Variants in GLIS3 observed in about 807,000 individuals in gnomAD.
The protein encoded by GLIS3 is GLIS family zinc finger 3.
In GLIS3, 53 loss-of-function variants were observed where a neutral mutation model predicts 78.6. That is an observed-to-expected ratio of 0.67 (90% CI 0.54 to 0.85). The LOEUF (loss-of-function observed/expected upper bound fraction) is 0.85, where lower values mean the gene tolerates loss of function less well. Among genes scored for constraint, GLIS3 ranks in the 40% least tolerant of loss-of-function variants. The pLI, the probability that GLIS3 is intolerant of heterozygous loss-of-function variation, is 0.00. For missense variants in GLIS3, 1,703 were observed against 1,231.1 expected (o/e 1.38, Z -5.74); for synonymous variants, 684 against 509.9 (o/e 1.34, Z -4.60).
In GLIS3 at chr9:4,332,474, C is replaced by T. The variant is rs952851163; in HGVS notation, n.264+14607G>A. Among the ~76,000 whole-genome samples, 6 of 152,200 alleles carry T rather than the reference C, an allele frequency of 3.9e-5. No individual in the cohort carries two copies. The South Asian group carries it at 6.2e-4, about 16-fold the overall frequency. ...AAGTTCCAGTACACAGAATCTTTTT[C>T]ACAAAACCACTTACTTTTGTCTTCC... On this transcript the variant is annotated intron_variant and non_coding_transcript_variant, in intron 2 of 4. Transcript: ENST00000471664.
At chr9:4,485,011 TG>T in the GLIS3 span, among the ~76,000 whole-genome samples, 2 of 41,562 alleles carry the variant, frequency 4.8e-5, no homozygotes, top group African/African-American at 8.4e-5. Flanking sequence ...TTCCTTTTTT[TG>T]GGGGGGTGGG....
chr9:3,856,181 A>C lies in GLIS3; in HGVS notation c.2301T>G (p.Phe767Leu), dbSNP rs779220877. ...LTAVDAGAER[F>L]APSAPSPHHI... ...GGTGAGGAGATGGAGCAGAAGGTGC[A>C]AACCTGAGAAAACAATTATAAAAGG... The change falls in exon 9 of 11, where the codon TTT (phenylalanine) becomes TTG (leucine). Residue 767 changes from phenylalanine (F) to leucine (L), a missense_variant. Phe to Leu is a conservative substitution (Grantham distance 22, BLOSUM62 0). Transcript: ENST00000381971. 1.9e-6 allele frequency: 3 copies of C among 1,613,450 alleles called. No individual in the cohort carries two copies. The East Asian group carries it at 6.7e-5, about 36-fold the overall frequency.
intron 4 of GLIS3, among the ~76,000 whole-genome samples, chr9:3,971,142 G>A (rs1164305596): frequency 4.0e-5 from 6 of 150,906 alleles, no homozygotes; most frequent in African/African-American, 1.5e-4. Context: ...AAGGAAGGGA[G>A]CCTTATGCTT....
the GLIS3 span, among the ~76,000 whole-genome samples, chr9:4,433,331 C>A: frequency 6.6e-6 from 1 of 152,058 alleles, no homozygotes; most frequent in Non-Finnish European, 1.5e-5. Flanking sequence ...ACTTGGGAGT[C>A]TGAGGTGGGA....
chr9:4,298,292 T>G, intron 1 of GLIS3: 1 of 449,644 alleles, frequency 2.2e-6, no homozygotes, highest in Middle Eastern at 3.4e-4. Context: ...TGTGGTTTCC[T>G]TTCGCTTCTC....
At chr9:4,452,495 G>T in the GLIS3 span, among the ~76,000 whole-genome samples, 3 of 152,288 alleles carry the variant, frequency 2.0e-5, no homozygotes, top group East Asian at 5.8e-4. Context: ...CAAACTCAAT[G>T]TGCAGAAATC....
At chr9:4,126,383 C>A (rs886740468) in intron 2 of GLIS3, among the ~76,000 whole-genome samples, 1 of 152,160 alleles carries the variant, frequency 6.6e-6, no homozygotes, top group Non-Finnish European at 1.5e-5. Flanking sequence ...ATCTGTACTT[C>A]CAAAAAGTCC....
chr9:4,371,377 A>AGTCGTCCTAAGCCCCAGGCTC, the GLIS3 span, among the ~76,000 whole-genome samples: 1 of 152,204 alleles, frequency 6.6e-6, no homozygotes, highest in Non-Finnish European at 1.5e-5. Context: ...ATATGACCTC[A>AGTCGTCCTAAGCCCCAGGCTC]GTCGTCCTAA....
chr9:4,041,763 C>G (rs1485268915), intron 4 of GLIS3, among the ~76,000 whole-genome samples: 1 of 152,158 alleles, frequency 6.6e-6, no homozygotes, highest in African/African-American at 2.4e-5. Flanking sequence ...AGGTAGAACA[C>G]CCAACCCCAC....
rs1213383255 is a variant in GLIS3 at position 4,183,178 on chromosome 9, C to G, written c.389-57237G>C. On this transcript the variant is annotated intron_variant, in intron 2 of 10. Coordinates refer to ENST00000381971, the MANE Select transcript of GLIS3 (RefSeq NM_001042413.2). ...ACAGTACATGACTTCCATGTTACTT[C>G]TGAGAAACAGGCTGAAGCCAGGTGG... Among the ~76,000 whole-genome samples the G allele has an allele frequency of 3.3e-5, 5 of 152,154 alleles. No individual in the cohort carries two copies. The East Asian group carries it at 9.6e-4, about 29-fold the overall frequency.
intron 4 of GLIS3, among the ~76,000 whole-genome samples, chr9:4,048,840 A>G (rs1825471981): frequency 6.6e-6 from 1 of 152,202 alleles, no homozygotes; most frequent in African/African-American, 2.4e-5. Flanking sequence ...AGTTACTTCC[A>G]ACATTTGAGC....
the GLIS3 span, among the ~76,000 whole-genome samples, chr9:4,455,086 A>T: frequency 3.0e-4 from 45 of 152,332 alleles, no homozygotes; most frequent in African/African-American, 1.0e-3. Context: ...TTTAGCTCCA[A>T]GATAGTAATC....
At chr9:4,294,862 G>C (rs1017616107) in intron 1 of GLIS3, among the ~76,000 whole-genome samples, 10 of 151,930 alleles carry the variant, frequency 6.6e-5, no homozygotes, top group African/African-American at 2.4e-4. Context: ...TGTTCATTCT[G>C]TACTGCTCAT....
In GLIS3 at chr9:3,991,901, A is replaced by G. The variant is rs575001206; in HGVS notation, c.1711-54712T>C. ...GAGACGGGGTTTCACCGTATTGGCC[A>G]GGACAGTCTTGATCTCCTGACTTCG... On this transcript the variant is annotated intron_variant, in intron 4 of 10. Coordinates refer to ENST00000381971, the MANE Select transcript of GLIS3 (RefSeq NM_001042413.2). Among the ~76,000 whole-genome samples, 27 of 152,112 alleles carry G rather than the reference A, an allele frequency of 1.8e-4. No homozygotes were observed. In the East Asian group the frequency reaches 2.5e-3, roughly 14 times the overall value.
chr9:3,991,659 T>C (rs1357345957), intron 4 of GLIS3, among the ~76,000 whole-genome samples: 1 of 151,526 alleles, frequency 6.6e-6, no homozygotes, highest in Non-Finnish European at 1.5e-5. Flanking sequence ...TATTATATAG[T>C]TCAGAATTTC....
chr9:4,004,514 T>C (rs1454767986), intron 4 of GLIS3, among the ~76,000 whole-genome samples: 1 of 152,214 alleles, frequency 6.6e-6, no homozygotes, highest in Non-Finnish European at 1.5e-5. Flanking sequence ...GATACTGTTG[T>C]GTGAAATCAC....
intron 4 of GLIS3, among the ~76,000 whole-genome samples, chr9:3,942,690 C>G (rs1486870436): frequency 1.3e-5 from 2 of 152,196 alleles, no homozygotes; most frequent in African/African-American, 4.8e-5. Flanking sequence ...CTAGGAGACT[C>G]GTTAAAACAC....
chr9:4,125,986 G>T, intron 2 of GLIS3, 45 bp from the exon 3 acceptor site: 1 of 1,426,672 alleles, frequency 7.0e-7, no homozygotes, highest in Non-Finnish European at 9.9e-7. Context: ...CCTTACATCA[G>T]AAATCAGTAA....
At chr9:3,993,173 A>G (rs901159005) in intron 4 of GLIS3, among the ~76,000 whole-genome samples, 1 of 152,174 alleles carries the variant, frequency 6.6e-6, no homozygotes, top group Non-Finnish European at 1.5e-5. Context: ...AACTGGCCTG[A>G]AAATATTCCA....
Sources: allele counts gnomAD v4.1 joint callset (sites outside exome capture counted in the v4.1 genomes callset), GRCh38; gene constraint gnomAD v4.1.1; transcripts MANE v1.5; gene names NCBI Gene and HGNC (gene_info 2026-07-23, HGNC 2026-07-21).